The following FRMD3 variants were observed in gnomAD, a reference collection of about 807,000 sequenced individuals.
The protein encoded by FRMD3 is FERM domain-containing protein 3.
Under a neutral mutation model 70.2 loss-of-function variants are expected in FRMD3, and 33 were observed. That is an observed-to-expected ratio of 0.47 (90% CI 0.36 to 0.63). The LOEUF (loss-of-function observed/expected upper bound fraction) is 0.63, where lower values mean the gene tolerates loss of function less well. Among genes scored for constraint, FRMD3 ranks in the 20% least tolerant of loss-of-function variants. The pLI, the probability that FRMD3 is intolerant of heterozygous loss-of-function variation, is 0.00. For synonymous variants in FRMD3, 279 were observed against 255.9 expected, an observed-to-expected ratio of 1.09 and a Z score of -0.86; for missense variants, 632 against 711.4, an observed-to-expected ratio of 0.89 and a Z score of 1.27.
chr9:83,490,954 A>G (rs1189156406), intron 1 of FRMD3, among the ~76,000 whole-genome samples: 2 of 152,116 alleles, frequency 1.3e-5, no homozygotes, highest in Non-Finnish European at 2.9e-5. Context: ...GTTTCATAAG[A>G]TGCTTCATTT....
chr9:83,503,510 C>G (rs1057313003), intron 1 of FRMD3, among the ~76,000 whole-genome samples: 1 of 152,212 alleles, frequency 6.6e-6, no homozygotes, highest in Non-Finnish European at 1.5e-5. Flanking sequence ...TGCCTCCCAG[C>G]TTTCAGTGAA....
chr9:83,310,991 T>C (rs1235977457), intron 8 of FRMD3, among the ~76,000 whole-genome samples: 1 of 152,226 alleles, frequency 6.6e-6, no homozygotes, highest in Non-Finnish European at 1.5e-5. Context: ...AAATGTTCAC[T>C]CCTGTTTTCC....
Position 83,452,778 on chromosome 9 carries a change from G to A in FRMD3, c.148-63070C>T, listed in dbSNP as rs535984360. On this transcript the variant is annotated intron_variant, in intron 1 of 13. Coordinates refer to ENST00000304195, the MANE Select transcript of FRMD3 (RefSeq NM_174938.6). Reference sequence around the variant, plus strand: ...ATTACAGGCGTGAGCCACCACGCCCGGCCTACTTCTTAGATCTTTTAACCA... The same window carrying A: ...ATTACAGGCGTGAGCCACCACGCCCAGCCTACTTCTTAGATCTTTTAACCA... Among the ~76,000 whole-genome samples, 8 of 151,790 alleles carry A rather than the reference G, an allele frequency of 5.3e-5. No homozygotes were observed. In the South Asian group the frequency reaches 6.3e-4, roughly 12 times the overall value.
rs569203350 is a variant in FRMD3 at position 83,439,529 on chromosome 9, C to T, written c.148-49821G>A. ...CCTCCTAATGTGACCCTTCTATGTC[C>T]GCCATCTTTCTTGTAGTTGGCTTCT... On this transcript the variant is annotated intron_variant, in intron 1 of 13. Coordinates refer to ENST00000304195, the MANE Select transcript of FRMD3 (RefSeq NM_174938.6). Among the ~76,000 whole-genome samples the T allele has an allele frequency of 4.6e-5, 7 of 151,880 alleles. No homozygotes were observed. The East Asian group carries it at 5.8e-4, about 13-fold the overall frequency.
chr9:83,454,883 T>C (rs189352303), intron 1 of FRMD3, among the ~76,000 whole-genome samples: 3 of 152,314 alleles, frequency 2.0e-5, no homozygotes, highest in East Asian at 1.9e-4. Flanking sequence ...ATACAGATCA[T>C]TGATGCCTAT....
At chr9:83,478,056 C>T (rs185616281) in intron 1 of FRMD3, among the ~76,000 whole-genome samples, 1 of 152,322 alleles carries the variant, frequency 6.6e-6, no homozygotes, top group Admixed American at 6.5e-5. Flanking sequence ...GGACTGGCTT[C>T]CCTTCTGTCT....
chr9:83,261,316 T>C (rs1832982512), intron 13 of FRMD3, among the ~76,000 whole-genome samples: 1 of 152,200 alleles, frequency 6.6e-6, no homozygotes, highest in African/African-American at 2.4e-5. Flanking sequence ...CTTCTCCAAG[T>C]AGCCATCATT....
chr9:83,387,388 T>TATGGAA (rs1825542421), intron 2 of FRMD3, among the ~76,000 whole-genome samples: 1 of 152,194 alleles, frequency 6.6e-6, no homozygotes, highest in Admixed American at 6.5e-5. Flanking sequence ...CTTAATGTCT[T>TATGGAA]GCCTTATGGA....
chr9:83,385,888 CT>C (rs1564051963), intron 2 of FRMD3, among the ~76,000 whole-genome samples: 1 of 152,128 alleles, frequency 6.6e-6, no homozygotes, highest in African/African-American at 2.4e-5. Context: ...TGCCCCCTGC[CT>C]TTAAAAGATG....
At chr9:83,481,810 A>G (rs1828572744) in intron 1 of FRMD3, among the ~76,000 whole-genome samples, 1 of 152,180 alleles carries the variant, frequency 6.6e-6, no homozygotes, top group African/African-American at 2.4e-5. Flanking sequence ...GGCTTCTCTG[A>G]GCTCCTCATA....
At chr9:83,562,506 CA>C in the FRMD3 span, among the ~76,000 whole-genome samples, 1 of 152,198 alleles carries the variant, frequency 6.6e-6, no homozygotes, top group Non-Finnish European at 1.5e-5. Context: ...ACAGGTCATT[CA>C]AAAGCTATGC....
intron 4 of FRMD3, among the ~76,000 whole-genome samples, chr9:83,345,146 C>G (rs1052721282): frequency 1.3e-5 from 2 of 152,184 alleles, no homozygotes; most frequent in African/African-American, 2.4e-5. Context: ...GTATCTTTGT[C>G]TAACATCTGC....
At chr9:83,582,905 A>G in the FRMD3 span, among the ~76,000 whole-genome samples, 1 of 152,208 alleles carries the variant, frequency 6.6e-6, no homozygotes, top group Non-Finnish European at 1.5e-5. Flanking sequence ...ATCAGTTTCA[A>G]GTTGTAAGAG....
chr9:83,398,324 G>A (rs559157558), intron 1 of FRMD3, among the ~76,000 whole-genome samples: 7 of 152,234 alleles, frequency 4.6e-5, no homozygotes, highest in Middle Eastern at 6.8e-3. Flanking sequence ...TAGATATTAC[G>A]CTGTGATATA....
chr9:83,301,615 G>T (rs1023721725), intron 10 of FRMD3, among the ~76,000 whole-genome samples: 1 of 152,156 alleles, frequency 6.6e-6, no homozygotes, highest in South Asian at 2.1e-4. Context: ...ACGTGAAGCC[G>T]GCAAAGCCGG....
At chr9:83,518,791 G>C (rs999996747) in intron 1 of FRMD3, among the ~76,000 whole-genome samples, 1 of 152,048 alleles carries the variant, frequency 6.6e-6, no homozygotes, top group Non-Finnish European at 1.5e-5. Flanking sequence ...TACCAAAACA[G>C]ACATATAGAC....
intron 1 of FRMD3, among the ~76,000 whole-genome samples, chr9:83,475,941 G>A (rs985004430): frequency 1.3e-5 from 2 of 152,112 alleles, no homozygotes; most frequent in East Asian, 1.9e-4. Flanking sequence ...CCTCACTTAC[G>A]TAAATAACAT....
chr9:83,308,399 A>G (rs76526023), intron 10 of FRMD3, among the ~76,000 whole-genome samples: 2,099 of 152,288 alleles, frequency 0.014, 20 homozygotes, highest in Non-Finnish European at 0.023. Flanking sequence ...TATCCAAGCC[A>G]TCATTCTCCT....
chr9:83,479,554 G>A (rs565802925), intron 1 of FRMD3, among the ~76,000 whole-genome samples: 1 of 144,960 alleles, frequency 6.9e-6, no homozygotes, highest in East Asian at 2.0e-4. Context: ...TTCAGCCTGG[G>A]GGTTCGAGGC....
Sources: gnomAD v4.1 joint callset for allele counts (sites outside exome capture counted in the v4.1 genomes callset) on GRCh38, gnomAD v4.1.1 for gene constraint, MANE v1.5 for transcripts, NCBI Gene and HGNC (gene_info 2026-07-23, HGNC 2026-07-21) for gene names.